The following ZBTB40 variants were observed in gnomAD, a reference collection of about 807,000 sequenced individuals.
ZBTB40 encodes zinc finger and BTB domain containing 40.
ZBTB40 carries 60 observed loss-of-function variants against 117.5 expected under a neutral mutation model. The observed-to-expected ratio is 0.51, with a 90% CI of 0.41 to 0.63. The LOEUF is 0.63. Among genes scored for constraint, ZBTB40 ranks in the 30% least tolerant of loss-of-function variants. The probability of loss-of-function intolerance (pLI) is 0.00; values close to 1 mark genes in which losing one functional copy is unlikely to be tolerated. For synonymous variants in ZBTB40, 525 were observed against 577.1 expected (o/e 0.91, Z 1.29); for missense variants, 1,287 against 1,498.5 (o/e 0.86, Z 2.33).
At chr1:22,501,433 A>G in intron 3 of ZBTB40, 59 bp from the exon 4 acceptor site, 2 of 1,594,384 alleles carry the variant, frequency 1.3e-6, no homozygotes, top group Non-Finnish European at 1.7e-6. Context: ...GCCAAATGCA[A>G]GGAGCGGATG....
chr1:22,508,644 G>C lies in ZBTB40; in HGVS notation c.1612G>C (p.Val538Leu). 2 of 1,614,192 alleles carry C rather than the reference G, an allele frequency of 1.2e-6. No homozygotes were observed. The highest frequency in any genetic ancestry group is 1.3e-5 in the African/African-American group (1 of 75,036). ...CACAGCCATTTGGCAACTGCTGCTG[G>C]TGGTTCAGGAGACAAAGACCTGTCC... The part of the protein sequence containing the change: ...SATAIWQLLL[V>L]VQETKTCPLD... The change falls in exon 8 of 18, where the codon GTG (valine) becomes CTG (leucine). Residue 538 changes from valine (V) to leucine (L), a missense_variant. Val to Leu is a conservative substitution (Grantham distance 32). Coordinates refer to ENST00000375647, the MANE Select transcript of ZBTB40 (RefSeq NM_014870.4).
chr1:22,490,726 A>G, intron 2 of ZBTB40, 81 bp downstream of exon 2: 1 of 1,531,598 alleles, frequency 6.5e-7, no homozygotes, highest in Non-Finnish European at 8.8e-7. Context: ...TAAATTTATC[A>G]AAGACCACTG....
rs561256466 is a variant in ZBTB40, at chr1:22,496,380, C to T, written c.831+4847C>T. Among the ~76,000 whole-genome samples, 35 of 152,186 alleles carry T rather than the reference C, an allele frequency of 2.3e-4. 1 individual carries two copies. Among genetic ancestry groups the T allele is most frequent in the African/African-American group, 7.7e-4 (32 of 41,464 alleles). ...GATCCCGTTCTCATCCAGGACACTA[C>T]GTTGCCTGGGAGGCACCACATTGAT... is the stretch of plus-strand genomic sequence containing the variant. On this transcript the variant is annotated intron_variant, in intron 3 of 17. Transcript: ENST00000375647.
At chr1:22,457,330 G>A (rs142360628) in intron 1 of ZBTB40, among the ~76,000 whole-genome samples, 50 of 152,296 alleles carry the variant, frequency 3.3e-4, no homozygotes, top group African/African-American at 1.0e-3. Flanking sequence ...ATTCATAAAT[G>A]TAATTTCTGG....
chr1:22,451,721 C>G (rs1315534256), upstream of ZBTB40: 4 of 142,752 alleles, frequency 2.8e-5, no homozygotes, highest in Non-Finnish European at 5.9e-5. Context: ...GGTCAGAGGT[C>G]AGAGAAGAGC....
intron 9 of ZBTB40, among the ~76,000 whole-genome samples, 175 bp from the exon 10 acceptor site, chr1:22,511,004 G>A (rs562537293): frequency 6.6e-6 from 1 of 150,814 alleles, no homozygotes; most frequent in South Asian, 2.1e-4. Flanking sequence ...TAGTTTTCCT[G>A]TTCTTTGGCA....
rs1639713980 is a variant in ZBTB40 at position 22,527,563 on chromosome 1, C to G, written c.*1167C>G. ...TTTGGAGAGAATGACTAGCATTTATCTTCTTTTCCTTCCATGCCAAAGGTT... is the reference window on the plus strand; with the variant it reads ...TTTGGAGAGAATGACTAGCATTTATGTTCTTTTCCTTCCATGCCAAAGGTT... On this transcript the variant is annotated 3_prime_UTR_variant, in exon 18 of 18. Coordinates refer to ENST00000375647, the MANE Select transcript of ZBTB40 (RefSeq NM_014870.4). The G allele has an allele frequency of 6.6e-6, 1 of 152,388 alleles. No homozygotes were observed. The highest frequency in any genetic ancestry group is 2.1e-4 in the South Asian group (1 of 4,836). 9.4% of individuals were successfully genotyped at this position (152,388 alleles called of 1,614,324 possible).
In ZBTB40 at chr1:22,490,586, G is replaced by C. The variant is rs780360733; in HGVS notation, c.638G>C (p.Cys213Ser). The C allele has an allele frequency of 6.2e-7, 1 of 1,614,088 alleles. No individual in the cohort carries two copies. Among genetic ancestry groups the C allele is most frequent in the Non-Finnish European group, 8.5e-7 (1 of 1,180,048 alleles). The change falls in exon 2 of 18, where the codon TGT becomes TCT. Residue 213 changes from cysteine to serine, a missense_variant. By Grantham distance (112) the Cys-to-Ser change is moderately radical. Coordinates refer to ENST00000375647, the MANE Select transcript of ZBTB40 (RefSeq NM_014870.4). ...GAGACTCCTACTACAGCTGAAGCTT[G>C]TTCCCCCTCCCCTGCTGTGCAAACC... ...PAETPTTAEACSPSPAVQTFS... is the reference protein window; with the variant it reads ...PAETPTTAEASSPSPAVQTFS...
intron 1 of ZBTB40, among the ~76,000 whole-genome samples, chr1:22,486,726 T>TGTTTC (rs1482537609): frequency 1.3e-5 from 2 of 151,924 alleles, no homozygotes; most frequent in Non-Finnish European, 2.9e-5. Context: ...TTTTTTGTTT[T>TGTTTC]GTTTTGTTTT....
At chr1:22,516,872 G>A (rs1250905711) in intron 12 of ZBTB40, among the ~76,000 whole-genome samples, 5 of 152,208 alleles carry the variant, frequency 3.3e-5, no homozygotes, top group African/African-American at 1.2e-4. Context: ...ACTGGAAGAA[G>A]GCTTTCATTC....
Position 22,490,267 on chromosome 1 carries a change from G to A in ZBTB40, c.319G>A (p.Val107Ile), listed in dbSNP as rs1569834756. 6.2e-7 allele frequency: 1 copy of A among 1,614,068 alleles called. No homozygotes were observed. The highest frequency in any genetic ancestry group is 2.2e-5 in the East Asian group (1 of 44,900). Residue 107 changes from valine (V) to isoleucine (I), a missense_variant, in exon 2 of 18, where the codon GTT (valine) becomes ATT (isoleucine). Coordinates refer to ENST00000375647, the MANE Select transcript of ZBTB40 (RefSeq NM_014870.4). ...ADSLQMFDVA[V>I]SCKNLLTSLV... ...CAGTCTACAGATGTTTGATGTAGCT[G>A]TTAGCTGCAAAAATCTTCTGACCAG...
At chr1:22,512,165 T>G (rs1321323233) in intron 11 of ZBTB40, 31 bp downstream of exon 11, 1 of 1,610,816 alleles carries the variant, frequency 6.2e-7, no homozygotes, top group Middle Eastern at 2.2e-4. Flanking sequence ...GAACAGAGGA[T>G]GATAATTGTG....
intron 6 of ZBTB40, 120 bp from the exon 7 acceptor site, chr1:22,507,881 G>T (rs751254049): frequency 8.2e-6 from 12 of 1,465,888 alleles, no homozygotes; most frequent in African/African-American, 1.4e-5. Context: ...CCAGGGCTCT[G>T]CAGAGGACAC....
At position 22,490,222 on chromosome 1, in the gene ZBTB40, A is replaced by G; in HGVS notation, c.274A>G (p.Lys92Glu). 1 of 1,614,210 alleles carries G rather than the reference A, an allele frequency of 6.2e-7. No homozygotes were observed. Among genetic ancestry groups the G allele is most frequent in the Non-Finnish European group, 8.5e-7 (1 of 1,180,030 alleles). Reference sequence around the variant, plus strand: ...ACCTGTGGGCAAGCACAACTTCTCCAAAATCATCTCCTTAGCAGACAGTCT... The same window carrying G: ...ACCTGTGGGCAAGCACAACTTCTCCGAAATCATCTCCTTAGCAGACAGTCT... Reference protein sequence around the residue: ...KLPVGKHNFSKIISLADSLQM... With the variant: ...KLPVGKHNFSEIISLADSLQM... The change falls in exon 2 of 18, where the codon AAA becomes GAA. Residue 92 changes from lysine (K) to glutamate (E), a missense_variant. By Grantham distance (56) the Lys-to-Glu change is moderately conservative. Transcript: ENST00000375647.
chr1:22,523,142 G>A (rs935792378), intron 16 of ZBTB40, among the ~76,000 whole-genome samples: 1 of 151,514 alleles, frequency 6.6e-6, no homozygotes, highest in Non-Finnish European at 1.5e-5. Context: ...TAGTAGAGAC[G>A]GGGTTTCATC....
At chr1:22,455,177 C>A (rs1486102091) in intron 1 of ZBTB40, among the ~76,000 whole-genome samples, 3 of 152,136 alleles carry the variant, frequency 2.0e-5, no homozygotes, top group Non-Finnish European at 4.4e-5. Flanking sequence ...TGTATGTATT[C>A]TCTTAAGGCA....
intron 1 of ZBTB40, among the ~76,000 whole-genome samples, chr1:22,472,340 C>T (rs1463067676): frequency 6.6e-6 from 1 of 152,106 alleles, no homozygotes; most frequent in Non-Finnish European, 1.5e-5. Context: ...CAGGCCACCA[C>T]ACCTGGCTAA....
rs1639622400 is a variant in ZBTB40, at chr1:22,524,443, A to G, written c.3524A>G (p.Gln1175Arg). The change falls in exon 17 of 18, where the codon CAG becomes CGG. Residue 1175 changes from glutamine to arginine, a missense_variant and splice_region_variant. Physicochemically the swap from Gln to Arg is conservative, Grantham distance 43. This residue lies in a region of ZBTB40 where 417 missense variants were observed against 564.1 expected (regional missense o/e 0.74). Coordinates refer to ENST00000375647, the MANE Select transcript of ZBTB40 (RefSeq NM_014870.4). ...ETQAAASQMA[Q>R]VIQTPEPVAP... The stretch of plus-strand genomic sequence containing the variant: ...CAGGCCGCAGCCTCACAGATGGCGC[A>G]GGTGATTCTGGGGCCATCAGCTACA... The G allele has an allele frequency of 6.2e-7, 1 of 1,613,118 alleles. No homozygotes were observed. The highest frequency in any genetic ancestry group is 1.7e-5 in the Admixed American group (1 of 60,004).
intron 1 of ZBTB40, among the ~76,000 whole-genome samples, chr1:22,454,943 A>C (rs1640970947): frequency 6.6e-6 from 1 of 152,250 alleles, no homozygotes; most frequent in Admixed American, 6.5e-5. Flanking sequence ...ATTACAGACA[A>C]AATTAAGAAT....
Sources: gnomAD v4.1 joint callset for allele counts (sites outside exome capture counted in the v4.1 genomes callset) on GRCh38, gnomAD v4.1.1 for gene constraint, gnomAD v4.1.1 regional missense constraint, MANE v1.5 for transcripts, NCBI Gene and HGNC (gene_info 2026-07-23, HGNC 2026-07-21) for gene names.